ARHGEF1: variants seen among roughly 807,000 people sequenced by gnomAD.
ARHGEF1 encodes the protein 115 kDa guanine nucleotide exchange factor.
A neutral mutation model predicts 119.7 loss-of-function variants in ARHGEF1; 40 were observed. That is an observed-to-expected ratio of 0.33 (90% CI 0.26 to 0.44). The LOEUF (loss-of-function observed/expected upper bound fraction) is 0.44, where lower values mean the gene tolerates loss of function less well. Among genes scored for constraint, ARHGEF1 ranks in the 20% least tolerant of loss-of-function variants. ARHGEF1 has a pLI of 1.00. For synonymous variants in ARHGEF1, 494 were observed against 521.0 expected (o/e 0.95, Z 0.71); for missense variants, 976 against 1,268.3 (o/e 0.77, Z 3.50).
chr19:41,886,859 C>T (rs1176632289), intron 1 of ARHGEF1, among the ~76,000 whole-genome samples: 2 of 152,172 alleles, frequency 1.3e-5, no homozygotes, highest in African/African-American at 4.8e-5. Context: ...GTGGGGAGCC[C>T]CGCCGCTGGT....
rs781802123 is a variant in ARHGEF1, at chr19:41,902,603, T to C, written c.1568T>C (p.Leu523Ser). 5 of 1,614,180 alleles carry C rather than the reference T, an allele frequency of 3.1e-6. No homozygotes were observed. The highest frequency in any genetic ancestry group is 4.2e-6 in the Non-Finnish European group (5 of 1,180,036). Residue 523 changes from leucine to serine, a missense_variant, in exon 17 of 29, where the codon TTA becomes TCA. Leu to Ser is a moderately radical substitution (Grantham distance 145). Transcript: ENST00000354532. The surrounding 1 kb of genome is among the most constrained non-coding windows in gnomAD (Gnocchi z 6.5). ...SRFCSRQSFALEQLKAKQRKD... is the reference protein window; with the variant it reads ...SRFCSRQSFASEQLKAKQRKD... ...TTCTGCAGCCGCCAGTCATTTGCCT[T>C]AGAGCAGCTCAAAGCCAAGCAACGC... is the stretch of plus-strand genomic sequence containing the variant.
upstream of ARHGEF1, among the ~76,000 whole-genome samples, chr19:41,921,805 C>A: frequency 6.6e-6 from 1 of 151,994 alleles, no homozygotes; most frequent in East Asian, 1.9e-4. The surrounding 1 kb of genome is among the most constrained non-coding windows in gnomAD (Gnocchi z 4.4). Flanking sequence ...CGCCCCACCT[C>A]GCCCTTCTTC....
rs1245123318 is a variant in ARHGEF1 at position 41,916,748 on chromosome 19, C to G, written c.1866-6344C>G. 1.3e-5 allele frequency among the ~76,000 whole-genome samples: 2 copies of G among 151,966 alleles called. No homozygotes were observed. The highest frequency in any genetic ancestry group is 4.8e-5 in the African/African-American group (2 of 41,358). ...AGAGATACACACACCAGCACCAACC[C>G]AGACAGCCAACGCACACGGCCACAC... On this transcript the variant is annotated intron_variant, in intron 18 of 20. Coordinates refer to the ARHGEF1 transcript ENST00000599589. The surrounding 1 kb of genome is among the most constrained non-coding windows in gnomAD (Gnocchi z 5.4).
chr19:41,906,235 TC>T lies in ARHGEF1; in HGVS notation c.2491+212del, dbSNP rs1659505915. ...TTGCTTGATTCTATATTTAGCCTCT[TC>T]CTGAACACATCTCTGTCTTCAGTAC... On this transcript the variant is annotated intron_variant, in intron 26 of 28. Coordinates refer to ENST00000354532, the MANE Select transcript of ARHGEF1 (RefSeq NM_004706.4). The surrounding 1 kb of genome is among the most constrained non-coding windows in gnomAD (Gnocchi z 4.5). 3 of 660,318 alleles carry T rather than the reference TC, an allele frequency of 4.5e-6. No individual in the cohort carries two copies. The highest frequency in any genetic ancestry group is 3.8e-5 in the South Asian group (2 of 52,190). 40.9% of individuals were successfully genotyped at this position (660,318 alleles called of 1,614,324 possible). A position where few individuals can be genotyped will look rare whatever the true frequency, so the allele number is the denominator to read the frequency against.
chr19:41,925,878 G>A (rs782215996), intron 1 of ARHGEF1, among the ~76,000 whole-genome samples: 1 of 152,064 alleles, frequency 6.6e-6, no homozygotes, highest in African/African-American at 2.4e-5. Context: ...GAGGAGGATG[G>A]GTGAGGGCCA....
intron 28 of ARHGEF1, 46 bp from the exon 29 acceptor site, chr19:41,907,059 C>A: frequency 6.9e-7 from 1 of 1,439,432 alleles, no homozygotes; most frequent in East Asian, 2.5e-5. Context: ...CTCCCTGTCT[C>A]TCTCTCCATC....
chr19:41,922,229 A>T (rs1392637845), upstream of ARHGEF1, among the ~76,000 whole-genome samples: 1 of 152,112 alleles, frequency 6.6e-6, no homozygotes, highest in Non-Finnish European at 1.5e-5. Context: ...GGGGCTTGGC[A>T]CCAAGAGTGT....
intron 1 of ARHGEF1, chr19:41,884,386 T>C (rs2074261373): frequency 1.3e-6 from 2 of 1,573,866 alleles, no homozygotes; most frequent in Non-Finnish European, 1.7e-6. Flanking sequence ...AAAGGTGGAC[T>C]CAGGGCGGCT....
chr19:41,909,128 C>T (rs1317222621), downstream of ARHGEF1: 24 of 1,231,780 alleles, frequency 1.9e-5, 1 homozygote, highest in African/African-American at 1.4e-4. This position sits in a 1 kb window ranked among gnomAD's most constrained non-coding sequence, Gnocchi z 5.2. Context: ...CAGGGGTGTC[C>T]GGGCCCCTGG....
In ARHGEF1 at chr19:41,897,186, C is replaced by G. The variant is rs532015847; in HGVS notation, c.1121+704C>G. ...TGCCCTGGGGGCCCTGTCCCCCTTA[C>G]AGCTGGGGGGCAGGCTCTGCCTCCT... On this transcript the variant is annotated intron_variant, in intron 13 of 28. Transcript: ENST00000354532. 31 of 949,476 alleles carry G rather than the reference C, an allele frequency of 3.3e-5. 2 individuals carry two copies. The Middle Eastern group carries it at 1.0e-3, about 32-fold the overall frequency. The allele number at this position is 949,476 out of a possible 1,614,324, so 58.8% of individuals were successfully genotyped here.
chr19:41,907,143 G>A lies in ARHGEF1; in HGVS notation c.*56G>A, dbSNP rs1294570936. 3.3e-6 allele frequency: 5 copies of A among 1,531,256 alleles called. No individual in the cohort carries two copies. The highest frequency in any genetic ancestry group is 4.4e-6 in the Non-Finnish European group (5 of 1,144,824). The allele number at this position is 1,531,256 out of a possible 1,614,324, so 94.9% of individuals were successfully genotyped here. A position where few individuals can be genotyped will look rare whatever the true frequency, so the allele number is the denominator to read the frequency against. On this transcript the variant is annotated 3_prime_UTR_variant, in exon 29 of 29. Transcript: ENST00000354532. ...AGGAGAGGAATGGGGGAGAGGACGT[G>A]AGGGACCACCCCCACCCACACAGCT...
At chr19:41,900,537 TATG>T (rs1460074768) in intron 14 of ARHGEF1, among the ~76,000 whole-genome samples, 1 of 152,102 alleles carries the variant, frequency 6.6e-6, no homozygotes, top group Non-Finnish European at 1.5e-5. Context: ...AACTCACACA[TATG>T]CCCTCCGGGG....
In ARHGEF1 at chr19:41,906,448, C is replaced by G. The variant is rs376080250; in HGVS notation, c.2492-9C>G. On this transcript the variant is annotated splice_polypyrimidine_tract_variant and intron_variant, in intron 26 of 28. Coordinates refer to ENST00000354532, the MANE Select transcript of ARHGEF1 (RefSeq NM_004706.4). The surrounding 1 kb of genome is among the most constrained non-coding windows in gnomAD (Gnocchi z 4.5). ...TCTCCTGACTCCACCCCTCCTTGCC[C>G]CTGGCCAGTGCTGTCCCTGAAGCAG... 6.4e-7 allele frequency: 1 copy of G among 1,551,674 alleles called. No individual in the cohort carries two copies. The highest frequency in any genetic ancestry group is 1.4e-5 in the African/African-American group (1 of 71,836).
chr19:41,920,405 C>A (rs182834904), upstream of ARHGEF1, among the ~76,000 whole-genome samples: 44 of 138,454 alleles, frequency 3.2e-4, no homozygotes, highest in African/African-American at 1.1e-3. Flanking sequence ...AGATGTGACA[C>A]ACTCACAGAC....
In ARHGEF1 at chr19:41,917,519, A is replaced by G. The variant is rs1267327528; in HGVS notation, c.1866-5573A>G. Among the ~76,000 whole-genome samples, 1 of 140,786 alleles carries G rather than the reference A, an allele frequency of 7.1e-6. No individual in the cohort carries two copies. Among genetic ancestry groups the G allele is most frequent in the African/African-American group, 2.7e-5 (1 of 37,396 alleles). 92.4% of individuals were successfully genotyped at this position (140,786 alleles called of 152,430 possible). A position where few individuals can be genotyped will look rare whatever the true frequency, so the allele number is the denominator to read the frequency against. ...CCCTTAACACAATCTGCACAATCGGAATGAAAATTGATTTTTTTTTTAAAT... is the reference window on the plus strand; with the variant it reads ...CCCTTAACACAATCTGCACAATCGGGATGAAAATTGATTTTTTTTTTAAAT... On this transcript the variant is annotated intron_variant, in intron 18 of 20. Transcript: ENST00000599589. This position sits in a 1 kb window ranked among gnomAD's most constrained non-coding sequence, Gnocchi z 4.8.
intron 1 of ARHGEF1, among the ~76,000 whole-genome samples, chr19:41,925,981 TGTGTGA>T (rs1555853233): frequency 6.6e-6 from 1 of 151,828 alleles, no homozygotes; most frequent in African/African-American, 2.4e-5. Context: ...AAGGAATGTG[TGTGTGA>T]GTGTGTGCAT....
chr19:41,915,964 G>A (rs1342036028), intron 18 of ARHGEF1, among the ~76,000 whole-genome samples: 3 of 151,614 alleles, frequency 2.0e-5, no homozygotes, highest in Admixed American at 6.6e-5. Context: ...GGCGTGGTGC[G>A]GATGGGTACT....
intron 18 of ARHGEF1, chr19:41,912,892 G>C (rs2074762172): frequency 3.2e-6 from 4 of 1,231,682 alleles, no homozygotes; most frequent in Non-Finnish European, 4.0e-6. Context: ...GGGGCGAAGA[G>C]AAGGTCGGAG....
At position 41,906,919 on chromosome 19, in the gene ARHGEF1, C is replaced by A; in HGVS notation, c.*17+116C>A. 1.0e-6 allele frequency: 1 copy of A among 966,168 alleles called. No individual in the cohort carries two copies. The highest frequency in any genetic ancestry group is 1.5e-6 in the Non-Finnish European group (1 of 663,794). The allele number at this position is 966,168 out of a possible 1,614,324, so 59.8% of individuals were successfully genotyped here. A position where few individuals can be genotyped will look rare whatever the true frequency, so the allele number is the denominator to read the frequency against. ...CCTCTTTGTCTTTTCTGAATCTCCC[C>A]ACTCCACCTCGTGTTTCTCATCTCT... On this transcript the variant is annotated intron_variant, in intron 28 of 28. Coordinates refer to ENST00000354532, the MANE Select transcript of ARHGEF1 (RefSeq NM_004706.4). This position sits in a 1 kb window ranked among gnomAD's most constrained non-coding sequence, Gnocchi z 4.5.
Sources: allele counts gnomAD v4.1 joint callset (sites outside exome capture counted in the v4.1 genomes callset), GRCh38; gene constraint gnomAD v4.1.1; non-coding constraint Gnocchi (gnomAD v3.1); transcripts MANE v1.5; gene names NCBI Gene and HGNC (gene_info 2026-07-23, HGNC 2026-07-21).